The following ZEB2 variants were observed in gnomAD, a reference collection of about 807,000 sequenced individuals.
The protein encoded by ZEB2 is zinc finger E-box binding homeobox 2.
A neutral mutation model predicts 99.9 loss-of-function variants in ZEB2; 6 were observed. That is an observed-to-expected ratio of 0.06 (90% CI 0.03 to 0.12). ZEB2 has a LOEUF of 0.12. Ranked by LOEUF, ZEB2 falls within the 10% of genes least tolerant of loss-of-function variation. The pLI is 1.00. For missense variants in ZEB2, 969 were observed against 1,502.8 expected, an observed-to-expected ratio of 0.64 and a Z score of 5.87; for synonymous variants, 517 against 542.5, an observed-to-expected ratio of 0.95 and a Z score of 0.65.
chr2:144,491,648 T>C (rs1704684037), intron 2 of ZEB2, among the ~76,000 whole-genome samples: 1 of 152,164 alleles, frequency 6.6e-6, no homozygotes, highest in African/African-American at 2.4e-5. Context: ...TCAAAAAACC[T>C]TGGGAAGAGA....
At chr2:144,452,808 G>T (rs1263597907) in intron 2 of ZEB2, among the ~76,000 whole-genome samples, 3 of 152,168 alleles carry the variant, frequency 2.0e-5, no homozygotes, top group African/African-American at 7.2e-5. Context: ...GAGAAAGAGA[G>T]AGAGGAGGAA....
At chr2:144,450,141 A>G (rs1038348968) in intron 2 of ZEB2, 1 of 151,902 alleles carries the variant, frequency 6.6e-6, no homozygotes, top group Non-Finnish European at 1.5e-5. Flanking sequence ...TACTTAATAA[A>G]TTGTATTAAT....
chr2:144,513,637 C>A (rs1044212917), intron 2 of ZEB2: 26 of 1,533,456 alleles, frequency 1.7e-5, no homozygotes, highest in Non-Finnish European at 2.2e-5. Flanking sequence ...GACCCTCTTC[C>A]CGGGCTCCGT....
At chr2:144,466,371 T>C (rs1264427169) in intron 2 of ZEB2, among the ~76,000 whole-genome samples, 1 of 152,168 alleles carries the variant, frequency 6.6e-6, no homozygotes, top group East Asian at 1.9e-4. Context: ...GATGGAGTCC[T>C]CCCATACCCT....
chr2:144,478,667 T>A (rs937244130), intron 2 of ZEB2, among the ~76,000 whole-genome samples: 2 of 152,242 alleles, frequency 1.3e-5, no homozygotes, highest in South Asian at 4.1e-4. Context: ...TCAACGCCAA[T>A]GCAATGAAAC....
intron 2 of ZEB2, chr2:144,495,665 T>C (rs1261483437): frequency 6.6e-6 from 1 of 152,258 alleles, no homozygotes; most frequent in Non-Finnish European, 1.5e-5. Context: ...GTACTGTGCA[T>C]GTTCTGCACA....
intron 2 of ZEB2, among the ~76,000 whole-genome samples, chr2:144,489,757 G>A (rs1394913994): frequency 6.6e-6 from 1 of 152,180 alleles, no homozygotes; most frequent in African/African-American, 2.4e-5. Context: ...GGGCACGTTC[G>A]TTTACATAGG....
chr2:144,417,587 A>AT (rs1270158389), intron 4 of ZEB2, among the ~76,000 whole-genome samples: 1 of 152,098 alleles, frequency 6.6e-6, no homozygotes, highest in Non-Finnish European at 1.5e-5. Context: ...TGATTTCATT[A>AT]TTTTTTATGG....
intron 2 of ZEB2, among the ~76,000 whole-genome samples, chr2:144,440,426 T>C (rs1703889819): frequency 6.6e-6 from 1 of 150,552 alleles, no homozygotes; most frequent in Admixed American, 6.6e-5. Context: ...TGTTAAATAC[T>C]TAAATCCATT....
intron 2 of ZEB2, among the ~76,000 whole-genome samples, chr2:144,460,483 C>T (rs1704177521): frequency 6.6e-6 from 1 of 151,882 alleles, no homozygotes; most frequent in African/African-American, 2.4e-5. Flanking sequence ...GACCTTGTTC[C>T]CAGGATTTGC....
At chr2:144,469,596 T>C (rs940453529) in intron 2 of ZEB2, among the ~76,000 whole-genome samples, 2 of 152,176 alleles carry the variant, frequency 1.3e-5, no homozygotes, top group Non-Finnish European at 2.9e-5. Context: ...AATCATTTTC[T>C]TAGAAAAACA....
At chr2:144,468,364 T>C (rs186907179) in intron 2 of ZEB2, among the ~76,000 whole-genome samples, 4 of 152,314 alleles carry the variant, frequency 2.6e-5, no homozygotes, top group Admixed American at 2.6e-4. Context: ...CCATTTCATC[T>C]TGATGTTTGA....
rs182935101 is a variant in ZEB2 at position 144,483,085 on chromosome 2, C to G, written c.73+34193G>C. Among the ~76,000 whole-genome samples, 26 of 147,636 alleles carry G rather than the reference C, an allele frequency of 1.8e-4. No homozygotes were observed. The East Asian group carries it at 5.3e-3, about 30-fold the overall frequency. On this transcript the variant is annotated intron_variant, in intron 2 of 9. Transcript: ENST00000627532. ...TTAACCTCTCAATTCTTGTTCATGA[C>G]AGAGAGAGAGAAAAAGTCAGTGTTT...
At chr2:144,505,080 GA>G (rs1174881530) in intron 2 of ZEB2, among the ~76,000 whole-genome samples, 3 of 150,570 alleles carry the variant, frequency 2.0e-5, no homozygotes, top group Non-Finnish European at 3.0e-5. Flanking sequence ...ATGTCAGGGG[GA>G]AAAAACGCAC....
chr2:144,429,433 C>T (rs764231909), intron 3 of ZEB2: 14 of 315,824 alleles, frequency 4.4e-5, no homozygotes, highest in Admixed American at 2.3e-4. Context: ...CATTTGCTTC[C>T]ATTTCCTATC....
chr2:144,504,763 T>C (rs1170896054), intron 2 of ZEB2: 1 of 152,238 alleles, frequency 6.6e-6, no homozygotes, highest in Non-Finnish European at 1.5e-5. Flanking sequence ...TAATTGCAGA[T>C]GCGAAAGCTG....
At chr2:144,437,671 G>A (rs901760324) in intron 2 of ZEB2, among the ~76,000 whole-genome samples, 4 of 152,028 alleles carry the variant, frequency 2.6e-5, no homozygotes, top group Non-Finnish European at 5.9e-5. Context: ...TCTGACATGA[G>A]GGCAGACCTT....
chr2:144,464,742 A>C (rs962910538), intron 2 of ZEB2, among the ~76,000 whole-genome samples: 24 of 152,168 alleles, frequency 1.6e-4, no homozygotes, highest in African/African-American at 5.8e-4. Context: ...CTTCTCAAAT[A>C]CATATTATGC....
intron 2 of ZEB2, among the ~76,000 whole-genome samples, chr2:144,466,060 C>A (rs1704268383): frequency 6.6e-6 from 1 of 152,210 alleles, no homozygotes; most frequent in Admixed American, 6.5e-5. Context: ...TCACTACAAA[C>A]CCCTCAAAAC....
Sources: allele counts gnomAD v4.1 joint callset (sites outside exome capture counted in the v4.1 genomes callset), GRCh38; gene constraint gnomAD v4.1.1; transcripts MANE v1.5; gene names NCBI Gene and HGNC (gene_info 2026-07-23, HGNC 2026-07-21).